The following THEM5 variants were observed in gnomAD, a reference collection of about 807,000 sequenced individuals.
THEM5 encodes thioesterase superfamily member 5.
A neutral mutation model predicts 24.2 loss-of-function variants in THEM5; 28 were observed. That is an observed-to-expected ratio of 1.16 (90% confidence interval 0.86 to 1.59). The LOEUF (loss-of-function observed/expected upper bound fraction) is 1.59, where lower values mean the gene tolerates loss of function less well. Ranked by LOEUF, THEM5 falls within the 40% of genes most tolerant of loss-of-function variation. The pLI is 0.00. For synonymous variants in THEM5, 87 were observed against 114.5 expected (o/e 0.76, Z 1.53); for missense variants, 260 against 296.8 (o/e 0.88, Z 0.91).
chr1:151,847,549 T>C lies in THEM5; in HGVS notation c.701-135A>G, dbSNP rs1652971398. 6 of 1,393,396 alleles carry C rather than the reference T, an allele frequency of 4.3e-6. No individual in the cohort carries two copies. In the South Asian group the frequency reaches 4.8e-5, roughly 11 times the overall value. The allele number at this position is 1,393,396 out of a possible 1,614,324, so 86.3% of individuals were successfully genotyped here. A position where few individuals can be genotyped will look rare whatever the true frequency, so the allele number is the denominator to read the frequency against. On this transcript the variant is annotated intron_variant, in intron 5 of 5. Transcript: ENST00000368817. ...TTCGTTACAGGTTGGATAACTCATA[T>C]ATAGAAAAAAAAATCCTAGTTCTGC...
rs776101952 is a variant in THEM5 at position 151,851,166 on chromosome 1, G to A, written c.351C>T (p.Thr117=). The A allele has an allele frequency of 3.7e-6, 6 of 1,614,208 alleles. No homozygotes were observed. In the South Asian group the frequency reaches 6.6e-5, roughly 18 times the overall value. ...SSDKGDCRIF[T]RCIQVEGQGF... ...CTTGTCCTTCCACTTGGATGCACCT[G>A]GTGAAGATGCGACAGTCACCTTTGT... is the stretch of plus-strand genomic sequence containing the variant. Residue 117 remains threonine, a synonymous_variant, in exon 3 of 6, where the codon ACC becomes ACT. Transcript: ENST00000368817.
At position 151,848,193 on chromosome 1, in the gene THEM5, G is replaced by C; in HGVS notation, c.564C>G (p.Ile188Met). The C allele has an allele frequency of 6.2e-7, 1 of 1,614,158 alleles. No individual in the cohort carries two copies. Among genetic ancestry groups the C allele is most frequent in the South Asian group, 1.1e-5 (1 of 91,080 alleles). ...GEGLFTLSLN[I>M]RFKNLIPVDS... is the part of the protein sequence containing the mutation. ...GGGCCCATACTTACTTTTTGAACCT[G>C]ATGTTGAGACTTAGTGTGAACAGCC... Residue 188 changes from isoleucine to methionine, a missense_variant, in exon 4 of 6, where the codon ATC becomes ATG. Physicochemically the swap from Ile to Met is conservative, Grantham distance 10. Transcript: ENST00000368817.
In THEM5 at chr1:151,848,987, G is replaced by A. The variant is rs148729556; in HGVS notation, c.465-695C>T. Among the ~76,000 whole-genome samples, 892 of 152,310 alleles carry A rather than the reference G, an allele frequency of 5.9e-3. 7 individuals carry two copies. The highest frequency in any genetic ancestry group is 0.02 in the African/African-American group (834 of 41,564). On this transcript the variant is annotated intron_variant, in intron 3 of 5. Coordinates refer to ENST00000368817, the MANE Select transcript of THEM5 (RefSeq NM_182578.4). Reference sequence around the variant, plus strand: ...TAATCCCAGCACTTTGGGAGGCTGAGGTGGGCAGATCACTTGATGTCAGGA... The same window carrying A: ...TAATCCCAGCACTTTGGGAGGCTGAAGTGGGCAGATCACTTGATGTCAGGA...
chr1:151,851,292 G>C, intron 2 of THEM5, 101 bp from the exon 3 acceptor site: 1 of 1,493,972 alleles, frequency 6.7e-7, no homozygotes, highest in African/African-American at 1.4e-5. Context: ...ATTAAGGAGA[G>C]AAAACCAGAG....
At chr1:151,851,714 G>A (rs1653132544) in intron 2 of THEM5, among the ~76,000 whole-genome samples, 1 of 152,124 alleles carries the variant, frequency 6.6e-6, no homozygotes, top group African/African-American at 2.4e-5. Flanking sequence ...CACTAGGCAG[G>A]AAGACAACAT....
intron 4 of THEM5, 87 bp from the exon 5 acceptor site, chr1:151,847,949 C>T: frequency 6.3e-7 from 1 of 1,584,398 alleles, no homozygotes; most frequent in Non-Finnish European, 8.6e-7. Flanking sequence ...CTCTCTTCAT[C>T]CCTCCCGGCC....
intron 4 of THEM5, 49 bp downstream of exon 4, chr1:151,848,133 G>C: frequency 6.3e-7 from 1 of 1,584,548 alleles, no homozygotes; most frequent in African/African-American, 1.3e-5. Context: ...CACTTCCAGG[G>C]ATGAAAAGGT....
Position 151,848,174 on chromosome 1 carries a change from A to G in THEM5, c.575+8T>C, listed in dbSNP as rs536134310. 1.1e-5 allele frequency: 18 copies of G among 1,613,738 alleles called. No homozygotes were observed. In the South Asian group the frequency reaches 2.0e-4, roughly 18 times the overall value. ...ACTTTGGCCAATGCCCCAGGGGCCC[A>G]TACTTACTTTTTGAACCTGATGTTG... is the stretch of plus-strand genomic sequence containing the variant. On this transcript the variant is annotated splice_region_variant and intron_variant, in intron 4 of 5. Coordinates refer to ENST00000368817, the MANE Select transcript of THEM5 (RefSeq NM_182578.4).
Position 151,853,575 on chromosome 1 carries a change from C to A in THEM5, c.-10G>T. The A allele has an allele frequency of 6.2e-7, 1 of 1,609,964 alleles. No homozygotes were observed. The highest frequency in any genetic ancestry group is 1.1e-5 in the South Asian group (1 of 90,260). On this transcript the variant is annotated 5_prime_UTR_variant, in exon 1 of 6. Transcript: ENST00000368817. ...AGCATCTCCTTATCATGGCCAAGTGCAAGGATCCAGCCCTGCTTGGATGGA... is the reference window on the plus strand; with the variant it reads ...AGCATCTCCTTATCATGGCCAAGTGAAAGGATCCAGCCCTGCTTGGATGGA...
At chr1:151,853,302 T>C (rs1653175335) in intron 1 of THEM5, 141 bp downstream of exon 1, 6 of 1,181,702 alleles carry the variant, frequency 5.1e-6, no homozygotes, top group Non-Finnish European at 5.6e-6. Context: ...CCCAGAGCAC[T>C]TTCTCTTTGC....
rs754477453 is a variant in THEM5 at position 151,847,768 on chromosome 1, C to T, written c.670G>A (p.Asp224Asn). Residue 224 changes from aspartate (D) to asparagine (N), a missense_variant, in exon 5 of 6, where the codon GAC (aspartate) becomes AAC (asparagine). By Grantham distance (23) the Asp-to-Asn change is conservative. Coordinates refer to ENST00000368817, the MANE Select transcript of THEM5 (RefSeq NM_182578.4). ...GACTTGGCATAAACTGTCTGCTGGT[C>T]TCTGCTGTGGGCGATGCAGGACATG... ...LYMSCIAHSRDQQTVYAKSSG... is the reference protein window; with the variant it reads ...LYMSCIAHSRNQQTVYAKSSG... 1.9e-6 allele frequency: 3 copies of T among 1,613,804 alleles called. No individual in the cohort carries two copies. The East Asian group carries it at 6.7e-5, about 36-fold the overall frequency.
At position 151,848,293 on chromosome 1, in the gene THEM5, C is replaced by G. The variant is rs752825141; in HGVS notation, c.465-1G>C. 5.0e-6 allele frequency: 8 copies of G among 1,613,830 alleles called. No individual in the cohort carries two copies. The highest frequency in any genetic ancestry group is 6.8e-6 in the Non-Finnish European group (8 of 1,179,808). On this transcript the variant is annotated splice_acceptor_variant, in intron 3 of 5. Coordinates refer to ENST00000368817, the MANE Select transcript of THEM5 (RefSeq NM_182578.4). LOFTEE classifies it high-confidence loss of function. ...TGCCAGGGACCCGCCGTGAGCAAAC[C>G]TGGGGGTGGGGTAAGGTGAGGAGCA...
chr1:151,852,158 A>C (rs1178515328), intron 2 of THEM5, 100 bp downstream of exon 2: 1 of 1,204,336 alleles, frequency 8.3e-7, no homozygotes, highest in East Asian at 2.4e-5. Flanking sequence ...CAGCAGGAAG[A>C]ACTCGCTGAG....
intron 2 of THEM5, among the ~76,000 whole-genome samples, chr1:151,851,580 C>A (rs554793797): frequency 6.6e-6 from 1 of 151,782 alleles, no homozygotes; most frequent in African/African-American, 2.4e-5. Flanking sequence ...TTTTCCAAGA[C>A]AGCTACCACT....
At position 151,853,689 on chromosome 1, in the gene THEM5, G is replaced by A. The variant is rs1051331863; in HGVS notation, c.-124C>T. 1 of 1,330,540 alleles carries A rather than the reference G, an allele frequency of 7.5e-7. No homozygotes were observed. Among genetic ancestry groups the A allele is most frequent in the Non-Finnish European group, 1.0e-6 (1 of 997,170 alleles). 82.4% of individuals were successfully genotyped at this position (1,330,540 alleles called of 1,614,324 possible). A position where few individuals can be genotyped will look rare whatever the true frequency, so the allele number is the denominator to read the frequency against. ...TTGCAGGCTTTCTTTCAGAGAGCTA[G>A]GCGAGGCTGGGCTGGTGTGCTGCAA... On this transcript the variant is annotated 5_prime_UTR_variant, in exon 1 of 6. Coordinates refer to ENST00000368817, the MANE Select transcript of THEM5 (RefSeq NM_182578.4).
In THEM5 at chr1:151,853,528, C is replaced by T; in HGVS notation, c.38G>A (p.Gly13Asp). 6.2e-7 allele frequency: 1 copy of T among 1,613,530 alleles called. No individual in the cohort carries two copies. Among genetic ancestry groups the T allele is most frequent in the Non-Finnish European group, 8.5e-7 (1 of 1,179,698 alleles). Residue 13 changes from glycine (G) to aspartate (D), a missense_variant, in exon 1 of 6, where the codon GGC becomes GAC. Transcript: ENST00000368817. Reference sequence around the variant, plus strand: ...GGCCTCAAGAAGGCCTCTGTGGTGGCCAAGTCTTGCTGCCACCTGGAAGCA... The same window carrying T: ...GGCCTCAAGAAGGCCTCTGTGGTGGTCAAGTCTTGCTGCCACCTGGAAGCA... ...RRCFQVAARL[G>D]HHRGLLEAPR...
At chr1:151,847,531 C>T in intron 5 of THEM5, 117 bp from the exon 6 acceptor site, 2 of 1,452,846 alleles carry the variant, frequency 1.4e-6, no homozygotes, top group Non-Finnish European at 1.9e-6. Flanking sequence ...CCTTTCGTTA[C>T]AGGTTGGATA....
chr1:151,852,157 G>T, intron 2 of THEM5, 101 bp downstream of exon 2: 2 of 1,197,096 alleles, frequency 1.7e-6, no homozygotes, highest in Non-Finnish European at 2.5e-6. Flanking sequence ...ACAGCAGGAA[G>T]AACTCGCTGA....
intron 3 of THEM5, among the ~76,000 whole-genome samples, chr1:151,849,836 C>G (rs146253621): frequency 5.3e-5 from 8 of 152,158 alleles, no homozygotes; most frequent in Non-Finnish European, 1.2e-4. Context: ...TCCCCATGGT[C>G]TAGGGGCCTG....
Sources: gnomAD v4.1 joint callset for allele counts (sites outside exome capture counted in the v4.1 genomes callset) on GRCh38, gnomAD v4.1.1 for gene constraint, MANE v1.5 for transcripts, NCBI Gene and HGNC (gene_info 2026-07-23, HGNC 2026-07-21) for gene names.